The following DIS3L variants were observed in gnomAD, a reference collection of about 807,000 sequenced individuals.
DIS3L encodes the protein DIS3 like exosome 3'-5' exoribonuclease.
A neutral mutation model predicts 120.3 loss-of-function variants in DIS3L; 100 were observed. That is an observed-to-expected ratio of 0.83 (90% CI 0.71 to 0.98). DIS3L has a LOEUF of 0.98. Ranked by LOEUF, DIS3L falls within the 50% of genes least tolerant of loss-of-function variation. DIS3L has a pLI of 0.00. For synonymous variants in DIS3L, 426 were observed against 470.6 expected (o/e 0.91, Z 1.23); for missense variants, 1,196 against 1,314.2 (o/e 0.91, Z 1.39).
Position 66,331,948 on chromosome 15 carries a change from C to T in DIS3L, c.2609C>T (p.Thr870Ile), listed in dbSNP as rs762259020. The change falls in exon 15 of 17, where the codon ACC becomes ATC. Residue 870 changes from threonine (T) to isoleucine (I), a missense_variant. Transcript: ENST00000319212. ...TACTTCAAAGACAAAGACCCTGCCACCGAGGAGCGTTGCATATCTGACGGA... is the reference window on the plus strand; with the variant it reads ...TACTTCAAAGACAAAGACCCTGCCATCGAGGAGCGTTGCATATCTGACGGA... ...CMYFKDKDPATEERCISDGVI... is the reference protein window; with the variant it reads ...CMYFKDKDPAIEERCISDGVI... 2 of 1,613,420 alleles carry T rather than the reference C, an allele frequency of 1.2e-6. No individual in the cohort carries two copies. The highest frequency in any genetic ancestry group is 2.7e-5 in the African/African-American group (2 of 74,896).
chr15:66,313,303 A>T (rs989209478), intron 5 of DIS3L, among the ~76,000 whole-genome samples: 2 of 152,148 alleles, frequency 1.3e-5, no homozygotes, highest in African/African-American at 2.4e-5. Context: ...CCCTGGGAGG[A>T]TATTTTGAGA....
chr15:66,308,112 A>G (rs1050618982), intron 3 of DIS3L, among the ~76,000 whole-genome samples: 1 of 152,182 alleles, frequency 6.6e-6, no homozygotes, highest in Non-Finnish European at 1.5e-5. Context: ...TTGAGGTTGC[A>G]GTGAGCCATT....
At chr15:66,294,195 T>G in intron 1 of DIS3L, 1 of 985,628 alleles carries the variant, frequency 1.0e-6, no homozygotes, top group Non-Finnish European at 1.2e-6. Flanking sequence ...CTGCCCGCAC[T>G]GTTGCCCCAG....
At chr15:66,303,194 A>T (rs2092666256) in intron 2 of DIS3L, among the ~76,000 whole-genome samples, 1 of 152,122 alleles carries the variant, frequency 6.6e-6, no homozygotes, top group Non-Finnish European at 1.5e-5. Context: ...TTGTTTATCC[A>T]TTCATCCATT....
In DIS3L at chr15:66,294,665, T is replaced by C. The variant is rs561266579; in HGVS notation, c.140-323T>C. 1.8e-4 allele frequency among the ~76,000 whole-genome samples: 27 copies of C among 152,320 alleles called. No homozygotes were observed. In the South Asian group the frequency reaches 3.7e-3, roughly 21 times the overall value. ...TAAATGTGGGGGTGCTTCATTTGAA[T>C]GTGTTTGTCAATGATGAGTTAACAC... On this transcript the variant is annotated intron_variant, in intron 1 of 16. Transcript: ENST00000319212.
At chr15:66,322,390 G>C (rs960638704) in intron 9 of DIS3L, among the ~76,000 whole-genome samples, 1 of 152,168 alleles carries the variant, frequency 6.6e-6, no homozygotes, top group Non-Finnish European at 1.5e-5. Context: ...CCAAGCCCCT[G>C]TAACTAAAGA....
chr15:66,296,165 C>G (rs79267042), intron 2 of DIS3L, among the ~76,000 whole-genome samples: 2,161 of 152,302 alleles, frequency 0.014, 24 homozygotes, highest in Non-Finnish European at 0.02. Flanking sequence ...CTACTAAAAT[C>G]AATTTGTTGT....
Position 66,332,885 on chromosome 15 carries a change from C to T in DIS3L, c.2831C>T (p.Thr944Met), listed in dbSNP as rs141163737. ...ACTACAACAGATGGGGAATCTGTTA[C>T]GTTCCATTTGTTTGACCATGTAACC... is the stretch of plus-strand genomic sequence containing the variant. ...TSTTTDGESV[T>M]FHLFDHVTVR... Residue 944 changes from threonine to methionine, a missense_variant, in exon 16 of 17, where the codon ACG (threonine) becomes ATG (methionine). Thr to Met is a moderately conservative substitution (Grantham distance 81). Transcript: ENST00000319212. 116 of 1,612,416 alleles carry T rather than the reference C, an allele frequency of 7.2e-5. No individual in the cohort carries two copies. In the Admixed American group the frequency reaches 1.1e-3, roughly 15 times the overall value.
At chr15:66,330,222 G>A (rs760694483) in intron 14 of DIS3L, 105 of 934,764 alleles carry the variant, frequency 1.1e-4, no homozygotes, top group Middle Eastern at 5.4e-4. Context: ...GTGTGAACCC[G>A]GGAGGCGGAG....
chr15:66,306,300 C>G (rs148884301), intron 2 of DIS3L, among the ~76,000 whole-genome samples: 6 of 152,250 alleles, frequency 3.9e-5, no homozygotes, highest in Non-Finnish European at 7.4e-5. Flanking sequence ...GAGGCTAGCT[C>G]TCATTTATGT....
At chr15:66,308,671 C>T in intron 3 of DIS3L, 38 bp from the exon 4 acceptor site, 1 of 1,581,922 alleles carries the variant, frequency 6.3e-7, no homozygotes, top group Non-Finnish European at 8.6e-7. Context: ...TTGTGTTTGT[C>T]TGCCTGGGGA....
At chr15:66,294,583 T>A in intron 1 of DIS3L, 1 of 960,238 alleles carries the variant, frequency 1.0e-6, no homozygotes, top group Non-Finnish European at 1.2e-6. Context: ...GCTGAGCACG[T>A]GCAGAAGCTT....
rs147689492 is a variant in DIS3L, at chr15:66,305,377, G to A, written c.294-1447G>A. On this transcript the variant is annotated intron_variant, in intron 2 of 16. Coordinates refer to ENST00000319212, the MANE Select transcript of DIS3L (RefSeq NM_001143688.3). ...TGATCAGTGTTTATGCATTTAACAA[G>A]ATTCGTTGGGGAGTTCGGCCTTTGC... is the stretch of plus-strand genomic sequence containing the variant. 2.7e-3 allele frequency among the ~76,000 whole-genome samples: 415 copies of A among 152,190 alleles called. 4 individuals carry two copies. The Middle Eastern group carries it at 0.031, about 11-fold the overall frequency.
At chr15:66,327,735 C>G (rs2092953909) in intron 12 of DIS3L, among the ~76,000 whole-genome samples, 1 of 151,830 alleles carries the variant, frequency 6.6e-6, no homozygotes, top group East Asian at 1.9e-4. Context: ...CAGAGCGAGA[C>G]TCTGTCTCAA....
At chr15:66,321,763 C>CAA (rs35742157) in intron 9 of DIS3L, among the ~76,000 whole-genome samples, 8,863 of 100,834 alleles carry the variant, frequency 0.088, 933 homozygotes, top group African/African-American at 0.26. Flanking sequence ...GAGACTGTCT[C>CAA]AAAAAAAAAA....
chr15:66,307,488 A>C (rs2092713510), intron 3 of DIS3L, among the ~76,000 whole-genome samples: 1 of 151,858 alleles, frequency 6.6e-6, no homozygotes, highest in Non-Finnish European at 1.5e-5. Flanking sequence ...ATTTTGTAGA[A>C]ACGGGGTCCC....
At chr15:66,329,762 A>T (rs1312069782) in intron 14 of DIS3L, 2 of 970,132 alleles carry the variant, frequency 2.1e-6, no homozygotes, top group African/African-American at 3.5e-5. Context: ...AAATACAAAA[A>T]TTAGCCGGGT....
intron 2 of DIS3L, among the ~76,000 whole-genome samples, chr15:66,301,117 T>A (rs1408287759): frequency 3.9e-5 from 6 of 151,916 alleles, no homozygotes; most frequent in African/African-American, 1.5e-4. Context: ...GTAGGTAAGG[T>A]CACCACTGAA....
intron 15 of DIS3L, among the ~76,000 whole-genome samples, 193 bp downstream of exon 15, chr15:66,332,213 T>G (rs972541744): frequency 1.3e-5 from 2 of 152,100 alleles, no homozygotes; most frequent in African/African-American, 4.8e-5. Flanking sequence ...TCCCAGCACT[T>G]TGGGAGGCCA....
Sources: gnomAD v4.1 joint callset for allele counts (sites outside exome capture counted in the v4.1 genomes callset) on GRCh38, gnomAD v4.1.1 for gene constraint, MANE v1.5 for transcripts, NCBI Gene and HGNC (gene_info 2026-07-23, HGNC 2026-07-21) for gene names.